The following TTC29 variants were observed in gnomAD, a reference collection of about 807,000 sequenced individuals.
TTC29 encodes the protein tetratricopeptide repeat protein 29.
Under a neutral mutation model 58.1 loss-of-function variants are expected in TTC29, and 49 were observed. The ratio of observed to expected loss-of-function variants is 0.84; its 90% CI spans 0.67 to 1.07. TTC29 has a LOEUF of 1.07. Among genes scored for constraint, TTC29 ranks in the 50% least tolerant of loss-of-function variants. The pLI, the probability that TTC29 is intolerant of heterozygous loss-of-function variation, is 0.00. For missense variants in TTC29, 582 were observed against 555.6 expected (o/e 1.05, Z -0.48); for synonymous variants, 209 against 196.8 (o/e 1.06, Z -0.52).
intron 11 of TTC29, among the ~76,000 whole-genome samples, chr4:146,780,302 G>GGTGTGTGTGTGTGTGT (rs57951745): frequency 2.9e-5 from 4 of 138,456 alleles, no homozygotes; most frequent in Admixed American, 7.2e-5. Context: ...CCTAACTTGG[G>GGTGTGTGTGTGTGTGT]GTGTGTGTGT....
At chr4:146,821,472 T>C (rs757308803) in intron 9 of TTC29, among the ~76,000 whole-genome samples, 1 of 152,180 alleles carries the variant, frequency 6.6e-6, no homozygotes, top group Non-Finnish European at 1.5e-5. Context: ...AAAAGGCGAA[T>C]ACTAGCTTAC....
At chr4:146,743,377 C>A (rs181676287) in intron 11 of TTC29, among the ~76,000 whole-genome samples, 1 of 152,178 alleles carries the variant, frequency 6.6e-6, no homozygotes, top group Non-Finnish European at 1.5e-5. Flanking sequence ...TGTTTTCAAG[C>A]TCAAAACAGA....
chr4:146,739,487 T>C (rs1049802478), intron 11 of TTC29, among the ~76,000 whole-genome samples: 1 of 152,326 alleles, frequency 6.6e-6, no homozygotes, highest in Admixed American at 6.5e-5. Context: ...AAATTATGAT[T>C]GTAAAAATCC....
chr4:146,788,571 A>G (rs1016865803), intron 11 of TTC29, among the ~76,000 whole-genome samples: 1 of 151,904 alleles, frequency 6.6e-6, no homozygotes, highest in African/African-American at 2.4e-5. Flanking sequence ...TTCCCACACC[A>G]TTTAATAATA....
At chr4:146,718,843 C>CTT (rs1455636664) in intron 11 of TTC29, among the ~76,000 whole-genome samples, 1 of 152,036 alleles carries the variant, frequency 6.6e-6, no homozygotes, top group African/African-American at 2.4e-5. Flanking sequence ...AGTGTCAGGT[C>CTT]TTATGTTTAA....
chr4:146,900,131 G>A (rs1733042811), intron 6 of TTC29, among the ~76,000 whole-genome samples: 4 of 152,098 alleles, frequency 2.6e-5, no homozygotes, highest in Admixed American at 2.6e-4. Context: ...AAGCTTCACA[G>A]ATAATTTTCA....
rs186387948 is a variant in TTC29 at position 146,721,128 on chromosome 4, A to G, written c.1331-13577T>C. ...CTTAAAACAATTAATTTAGTAGGGG[A>G]CACAGAGTTTCAAAACAAATACTGA... On this transcript the variant is annotated intron_variant, in intron 11 of 12. Transcript: ENST00000325106. Among the ~76,000 whole-genome samples the G allele has an allele frequency of 5.4e-3, 821 of 152,260 alleles. 5 individuals are homozygous for G. The highest frequency in any genetic ancestry group is 0.019 in the African/African-American group (773 of 41,580).
intron 11 of TTC29, among the ~76,000 whole-genome samples, chr4:146,708,337 TATATATATATATATATATAC>T (rs755406081): frequency 0.26 from 25,360 of 96,264 alleles, 3,848 homozygotes; most frequent in East Asian, 0.36. Flanking sequence ...TATATATATA[TATATATATATATATATATAC>T]ACATGTATGT....
intron 11 of TTC29, among the ~76,000 whole-genome samples, chr4:146,766,133 T>G (rs761695696): frequency 6.6e-6 from 1 of 152,034 alleles, no homozygotes; most frequent in Non-Finnish European, 1.5e-5. Flanking sequence ...AGCCAATATA[T>G]TCTAGTGTAT....
intron 10 of TTC29, among the ~76,000 whole-genome samples, chr4:146,819,718 G>A (rs1467256943): frequency 6.6e-6 from 1 of 152,088 alleles, no homozygotes; most frequent in Non-Finnish European, 1.5e-5. Flanking sequence ...AAACTAGCAG[G>A]GTGCCACAGC....
At chr4:146,795,620 G>A (rs1279629428) in intron 11 of TTC29, among the ~76,000 whole-genome samples, 1 of 152,102 alleles carries the variant, frequency 6.6e-6, no homozygotes, top group African/African-American at 2.4e-5. Flanking sequence ...ATGGGACCAT[G>A]AATATATTTT....
At chr4:146,819,436 C>A (rs1388152683) in intron 10 of TTC29, among the ~76,000 whole-genome samples, 1 of 152,044 alleles carries the variant, frequency 6.6e-6, no homozygotes, top group Admixed American at 6.6e-5. Context: ...TATTCATGAT[C>A]AAAACAGCAA....
In TTC29 at chr4:146,721,447, C is replaced by G. The variant is rs538065608; in HGVS notation, c.1331-13896G>C. On this transcript the variant is annotated intron_variant, in intron 11 of 12. Coordinates refer to ENST00000325106, the MANE Select transcript of TTC29 (RefSeq NM_031956.4). ...TTCCTTGTAATCTTCAGATTATAAA[C>G]TTTTCTCTTTTGAAAACTAATATAT... Among the ~76,000 whole-genome samples, 5 of 152,234 alleles carry G rather than the reference C, an allele frequency of 3.3e-5. No homozygotes were observed. The South Asian group carries it at 8.3e-4, about 25-fold the overall frequency.
At chr4:146,902,288 CA>C (rs781741113) in intron 6 of TTC29, among the ~76,000 whole-genome samples, 62 of 152,136 alleles carry the variant, frequency 4.1e-4, no homozygotes, top group Non-Finnish European at 7.4e-4. Context: ...TCTATCTTCC[CA>C]CTGCAGTTTC....
intron 6 of TTC29, among the ~76,000 whole-genome samples, chr4:146,901,765 G>A (rs1733163236): frequency 6.6e-6 from 1 of 152,146 alleles, no homozygotes; most frequent in South Asian, 2.1e-4. Flanking sequence ...TAACCATTGT[G>A]TATCCCCTTG....
intron 4 of TTC29, among the ~76,000 whole-genome samples, chr4:146,910,734 G>A (rs9308206): frequency 0.014 from 2,159 of 152,266 alleles, 43 homozygotes; most frequent in African/African-American, 0.049. Flanking sequence ...TGGCAGTCAG[G>A]TTGTTACAGA....
rs535683950 is a variant in TTC29, at chr4:146,749,669, G to C, written c.1331-42118C>G. ...ACTCCCCAAGTCCTGGGAGAGATAA[G>C]GACATCCAGATTGATGAAACTAAAA... On this transcript the variant is annotated intron_variant, in intron 11 of 12. Transcript: ENST00000325106. Among the ~76,000 whole-genome samples the C allele has an allele frequency of 5.0e-4, 76 of 152,230 alleles. 1 individual carries two copies. The highest frequency in any genetic ancestry group is 1.8e-3 in the African/African-American group (74 of 41,544).
In TTC29 at chr4:146,706,791, A is replaced by G. The variant is rs1741991267; in HGVS notation, c.*367T>C. On this transcript the variant is annotated 3_prime_UTR_variant, in exon 13 of 13. Coordinates refer to ENST00000325106, the MANE Select transcript of TTC29 (RefSeq NM_031956.4). ...AAGTTTCCCTAGAGTTTTAGCAAAT[A>G]TTTTCCTACATGAATTCAGCATGAA... 1 of 163,846 alleles carries G rather than the reference A, an allele frequency of 6.1e-6. No homozygotes were observed. The highest frequency in any genetic ancestry group is 2.0e-4 in the South Asian group (1 of 5,086). The allele number at this position is 163,846 out of a possible 1,614,324, so 10.1% of individuals were successfully genotyped here.
intron 11 of TTC29, among the ~76,000 whole-genome samples, chr4:146,757,940 A>G (rs969631395): frequency 3.9e-5 from 6 of 152,128 alleles, no homozygotes; most frequent in African/African-American, 1.4e-4. Context: ...AAAAACAAAA[A>G]CAAAATACAC....
Sources: allele counts gnomAD v4.1 joint callset (sites outside exome capture counted in the v4.1 genomes callset), GRCh38; gene constraint gnomAD v4.1.1; transcripts MANE v1.5; gene names NCBI Gene and HGNC (gene_info 2026-07-23, HGNC 2026-07-21).